The following PLCE1 variants were observed in gnomAD, a reference collection of about 807,000 sequenced individuals.
The protein encoded by PLCE1 is phospholipase C epsilon 1, also known as 1-phosphatidylinositol 4,5-bisphosphate phosphodiesterase epsilon-1.
A neutral mutation model predicts 242.8 loss-of-function variants in PLCE1; 119 were observed. That is an observed-to-expected ratio of 0.49 (90% CI 0.42 to 0.57). PLCE1 has a LOEUF of 0.57. Ranked by LOEUF, PLCE1 falls within the 20% of genes least tolerant of loss-of-function variation. The pLI is 0.00. For synonymous variants in PLCE1, 945 were observed against 1,017.4 expected (o/e 0.93, Z 1.35); for missense variants, 2,441 against 2,788.8 (o/e 0.88, Z 2.81).
intron 4 of PLCE1, among the ~76,000 whole-genome samples, chr10:94,216,571 A>G (rs1344001586): frequency 6.6e-6 from 1 of 152,088 alleles, no homozygotes; most frequent in Non-Finnish European, 1.5e-5. Flanking sequence ...GTATACCCTG[A>G]CTTTCTGGCC....
chr10:94,149,132 CTA>C (rs2047200985), intron 3 of PLCE1, among the ~76,000 whole-genome samples: 2 of 152,158 alleles, frequency 1.3e-5, no homozygotes, highest in African/African-American at 4.8e-5. Flanking sequence ...GGCATTTTTA[CTA>C]TGACACAGCA....
chr10:94,288,701 A>G (rs2052545192), intron 22 of PLCE1, among the ~76,000 whole-genome samples: 1 of 152,118 alleles, frequency 6.6e-6, no homozygotes, highest in Non-Finnish European at 1.5e-5. Flanking sequence ...GCAGGTGCCC[A>G]GGGATTCCAT....
rs1361138700 is a variant in PLCE1, at chr10:94,044,171, C to T, written c.1206+11919C>T. 3.9e-5 allele frequency among the ~76,000 whole-genome samples: 6 copies of T among 152,148 alleles called. 1 individual carries two copies. Among genetic ancestry groups the T allele is most frequent in the South Asian group, 2.1e-4 (1 of 4,804 alleles). ...AGTTTTTATTTTTCTGTATTTTTGC[C>T]GAGTACATTTAGTAGCTACCATGTT... On this transcript the variant is annotated intron_variant, in intron 2 of 32. Transcript: ENST00000371380.
At chr10:94,130,914 C>T (rs904740099) in intron 2 of PLCE1, among the ~76,000 whole-genome samples, 4 of 152,174 alleles carry the variant, frequency 2.6e-5, no homozygotes, top group Non-Finnish European at 4.4e-5. Context: ...TCTTCTACTC[C>T]CTGGCCATTC....
At chr10:94,179,331 A>G (rs1452928379) in intron 4 of PLCE1, among the ~76,000 whole-genome samples, 1 of 152,042 alleles carries the variant, frequency 6.6e-6, no homozygotes, top group Non-Finnish European at 1.5e-5. Context: ...GCACCCACAC[A>G]GGGCTTTCCT....
At chr10:94,113,167 A>G (rs2046007510) in intron 2 of PLCE1, among the ~76,000 whole-genome samples, 1 of 152,022 alleles carries the variant, frequency 6.6e-6, no homozygotes, top group African/African-American at 2.4e-5. Context: ...TGAAAAAAGG[A>G]CCTAAAATTG....
intron 2 of PLCE1, among the ~76,000 whole-genome samples, chr10:94,126,455 T>C (rs949390867): frequency 3.3e-5 from 5 of 152,226 alleles, no homozygotes; most frequent in African/African-American, 1.2e-4. Context: ...ACTTGTTTAT[T>C]GTCTGCCTTC....
rs1297912148 is a variant in PLCE1, at chr10:94,236,116, T to C, written c.2416T>C (p.Trp806Arg). The change falls in exon 7 of 33, where the codon TGG (tryptophan) becomes CGG (arginine). Residue 806 changes from tryptophan (W) to arginine (R), a missense_variant. Coordinates refer to ENST00000371380, the MANE Select transcript of PLCE1 (RefSeq NM_016341.4). The stretch of plus-strand genomic sequence containing the variant: ...AAGCTCCTTGAAGGATAAAAGCCGA[T>C]GGCAGTAAGTTTTACACGTTAAAAG... ...RKSSLKDKSR[W>R]QFIIGDLLDS... The C allele has an allele frequency of 2.5e-6, 4 of 1,612,932 alleles. No individual in the cohort carries two copies. The highest frequency in any genetic ancestry group is 1.7e-5 in the Admixed American group (1 of 59,986).
At position 94,262,508 on chromosome 10, in the gene PLCE1, A is replaced by T; in HGVS notation, c.3829A>T (p.Asn1277Tyr). 1 of 1,612,282 alleles carries T rather than the reference A, an allele frequency of 6.2e-7. No homozygotes were observed. The highest frequency in any genetic ancestry group is 1.3e-5 in the African/African-American group (1 of 74,990). Reference protein sequence around the residue: ...LQPDLDLLTRNVSDLGLFIKS... With the variant: ...LQPDLDLLTRYVSDLGLFIKS... The stretch of plus-strand genomic sequence containing the variant: ...TTCTGTTTCAGATCTGTTGACCAGA[A>T]ATGTCTCGGATTTGGGGTTGTTCAT... Residue 1277 changes from asparagine (N) to tyrosine (Y), a missense_variant, in exon 14 of 33, where the codon AAT becomes TAT. Coordinates refer to ENST00000371380, the MANE Select transcript of PLCE1 (RefSeq NM_016341.4).
At chr10:94,042,223 C>T (rs371526483) in intron 2 of PLCE1, among the ~76,000 whole-genome samples, 16 of 152,198 alleles carry the variant, frequency 1.1e-4, no homozygotes, top group Middle Eastern at 6.8e-3. Context: ...CACTCCCTGA[C>T]GCTGTGTAGT....
At chr10:94,274,930 C>G (rs2051887971) in intron 19 of PLCE1, among the ~76,000 whole-genome samples, 1 of 152,162 alleles carries the variant, frequency 6.6e-6, no homozygotes, top group African/African-American at 2.4e-5. Context: ...CAGTGACTGA[C>G]CACCCAGTGT....
chr10:94,187,521 G>A (rs866712762), intron 4 of PLCE1, among the ~76,000 whole-genome samples: 1 of 152,110 alleles, frequency 6.6e-6, no homozygotes, highest in African/African-American at 2.4e-5. Context: ...CTGGATACCC[G>A]ATGGCTCGGT....
intron 11 of PLCE1, among the ~76,000 whole-genome samples, chr10:94,256,199 C>G (rs1334782956): frequency 6.6e-6 from 1 of 151,166 alleles, no homozygotes; most frequent in Non-Finnish European, 1.5e-5. Context: ...GTTCTCACCT[C>G]TGGTCCCAGC....
intron 4 of PLCE1, among the ~76,000 whole-genome samples, chr10:94,210,531 C>T (rs1858608): frequency 0.38 from 57,262 of 151,998 alleles, 11,230 homozygotes; most frequent in East Asian, 0.66. Context: ...CTTCCAGCTG[C>T]ATGGCCCCAG....
At chr10:93,994,402 G>T (rs958035490) in intron 1 of PLCE1, among the ~76,000 whole-genome samples, 144 bp downstream of exon 1, 12 of 152,194 alleles carry the variant, frequency 7.9e-5, no homozygotes, top group Admixed American at 2.6e-4. Context: ...GCTCCCGGGG[G>T]ACCCGAGGCG....
At chr10:94,211,423 G>A (rs549582431) in intron 4 of PLCE1, among the ~76,000 whole-genome samples, 2 of 152,214 alleles carry the variant, frequency 1.3e-5, no homozygotes, top group African/African-American at 4.8e-5. Context: ...GGTGACCTTT[G>A]CAAGTCACCT....
chr10:94,196,867 T>G (rs1409029726), intron 4 of PLCE1, among the ~76,000 whole-genome samples: 1 of 152,200 alleles, frequency 6.6e-6, no homozygotes, highest in African/African-American at 2.4e-5. Flanking sequence ...TACATACATT[T>G]AAAGTATACA....
chr10:94,236,057 A>T lies in PLCE1; in HGVS notation c.2357A>T (p.Glu786Val). ...AATCGAAGTCTGGAGACAGACGAGG[A>T]GGACAGCCCCAGTGAAGGAAACAGC... is the stretch of plus-strand genomic sequence containing the variant. ...SCNRSLETDE[E>V]DSPSEGNSSR... is the part of the protein sequence containing the mutation. Residue 786 changes from glutamate (E) to valine (V), a missense_variant, in exon 7 of 33, where the codon GAG becomes GTG. Glu to Val is a moderately radical substitution (Grantham distance 121). Around this residue, in one of 5 missense-constraint regions of PLCE1, gnomAD observed 733 missense variants for 754.2 expected, o/e 0.97. Transcript: ENST00000371380. 1 of 1,614,116 alleles carries T rather than the reference A, an allele frequency of 6.2e-7. No homozygotes were observed. Among genetic ancestry groups the T allele is most frequent in the Non-Finnish European group, 8.5e-7 (1 of 1,179,994 alleles).
In PLCE1 at chr10:94,319,874, T is replaced by TTC. The variant is rs752958206; in HGVS notation, c.6343-2026_6343-2025insCT. Among the ~76,000 whole-genome samples the TTC allele has an allele frequency of 1.0e-3, 146 of 143,876 alleles. 4 individuals carry two copies. The highest frequency in any genetic ancestry group is 1.8e-3 in the Non-Finnish European group (115 of 65,370). The allele number at this position is 143,876 out of a possible 152,430, so 94.4% of individuals were successfully genotyped here. A position where few individuals can be genotyped will look rare whatever the true frequency, so the allele number is the denominator to read the frequency against. ...AGGCTCAAAGGTGCTCTTTTTTTTT[T>TTC]TTTTTTTTTTTTTGAGATGGAGTCT... On this transcript the variant is annotated intron_variant, in intron 29 of 32. Coordinates refer to ENST00000371380, the MANE Select transcript of PLCE1 (RefSeq NM_016341.4).
Sources: gnomAD v4.1 joint callset for allele counts (sites outside exome capture counted in the v4.1 genomes callset) on GRCh38, gnomAD v4.1.1 for gene constraint, gnomAD v4.1.1 regional missense constraint, MANE v1.5 for transcripts, NCBI Gene and HGNC (gene_info 2026-07-23, HGNC 2026-07-21) for gene names.